Variants in PRPF6 observed in about 807,000 individuals in gnomAD.
The protein encoded by PRPF6 is pre-mRNA processing factor 6.
PRPF6 carries 42 observed loss-of-function variants against 118.3 expected under a neutral mutation model. The ratio of observed to expected loss-of-function variants is 0.35; its 90% CI spans 0.28 to 0.46. The LOEUF is 0.46. PRPF6 is among the 20% of genes least tolerant of loss of function. The pLI, the probability that PRPF6 is intolerant of heterozygous loss-of-function variation, is 1.00. For missense variants in PRPF6, 662 were observed against 1,255.7 expected (o/e 0.53, Z 7.15); for synonymous variants, 481 against 485.1 (o/e 0.99, Z 0.11).
At chr20:64,018,533 A>G (rs758157271) in intron 12 of PRPF6, among the ~76,000 whole-genome samples, 48 of 152,184 alleles carry the variant, frequency 3.2e-4, no homozygotes, top group Non-Finnish European at 5.7e-4. Context: ...GTTATTATTA[A>G]TAAGTATTTT....
intron 6 of PRPF6, 76 bp downstream of exon 6, chr20:63,995,558 C>T: frequency 1.3e-6 from 2 of 1,543,106 alleles, no homozygotes; most frequent in Non-Finnish European, 1.8e-6. Flanking sequence ...TTTTCTCCTT[C>T]TTCTTCTTCT....
At chr20:64,016,617 T>A in intron 11 of PRPF6, 106 bp from the exon 12 acceptor site, 1 of 1,452,344 alleles carries the variant, frequency 6.9e-7, no homozygotes, top group Non-Finnish European at 9.4e-7. Context: ...CAGCATCTTG[T>A]GCTGATGTCT....
chr20:64,010,620 C>T (rs1213363350), intron 10 of PRPF6, among the ~76,000 whole-genome samples: 1 of 152,166 alleles, frequency 6.6e-6, no homozygotes, highest in Non-Finnish European at 1.5e-5. Flanking sequence ...TCTCAGCAGC[C>T]CAGAGTTTGT....
chr20:64,025,000 C>T (rs779122594), intron 14 of PRPF6, among the ~76,000 whole-genome samples: 14 of 152,050 alleles, frequency 9.2e-5, no homozygotes, highest in Non-Finnish European at 5.9e-5. Flanking sequence ...GTATTCAGAC[C>T]GCCTCACTGA....
chr20:64,024,536 GTGGC>G lies in PRPF6; in HGVS notation c.1770-18_1770-15del. ...GTTTATGGCCCTGCCTCTGGTGACC[GTGGC>G]CTCTTATCTTGCAGGGAGTCCCTGG... On this transcript the variant is annotated splice_polypyrimidine_tract_variant and intron_variant, in intron 13 of 20. Coordinates refer to ENST00000266079, the MANE Select transcript of PRPF6 (RefSeq NM_012469.4). The G allele has an allele frequency of 6.2e-7, 1 of 1,613,114 alleles. No individual in the cohort carries two copies. Among genetic ancestry groups the G allele is most frequent in the South Asian group, 1.1e-5 (1 of 91,082 alleles).
At chr20:64,001,268 T>TCCCTCTTTGGGGC in intron 9 of PRPF6, 29 bp downstream of exon 9, 1 of 1,613,834 alleles carries the variant, frequency 6.2e-7, no homozygotes, top group Non-Finnish European at 8.5e-7. Context: ...TGCTGCTTTC[T>TCCCTCTTTGGGGC]CCCTCCTTGG....
chr20:64,016,654 G>C (rs1371621847), intron 11 of PRPF6, 69 bp from the exon 12 acceptor site: 1 of 1,593,600 alleles, frequency 6.3e-7, no homozygotes, highest in Non-Finnish European at 8.6e-7. Flanking sequence ...CAGGAACTCC[G>C]TACTCCCCGT....
chr20:64,010,107 C>T, intron 9 of PRPF6, 93 bp from the exon 10 acceptor site: 1 of 1,087,614 alleles, frequency 9.2e-7, no homozygotes, highest in South Asian at 1.2e-5. Context: ...CCAGGGAAGT[C>T]CGTCTCATCC....
intron 12 of PRPF6, among the ~76,000 whole-genome samples, chr20:64,017,172 G>T (rs1303180428): frequency 2.0e-5 from 3 of 152,228 alleles, no homozygotes; most frequent in African/African-American, 7.2e-5. Flanking sequence ...TTAATCTCCT[G>T]ACCTCGTGAT....
At chr20:64,015,792 C>T (rs1051111936) in intron 11 of PRPF6, among the ~76,000 whole-genome samples, 1 of 152,154 alleles carries the variant, frequency 6.6e-6, no homozygotes, top group African/African-American at 2.4e-5. Context: ...TCATCTGATA[C>T]GTGCACAATG....
intron 2 of PRPF6, 58 bp from the exon 3 acceptor site, chr20:63,984,849 C>G (rs1418349727): frequency 8.1e-6 from 10 of 1,231,402 alleles, no homozygotes; most frequent in Non-Finnish European, 1.2e-5. Context: ...CTCCGTTTCG[C>G]TGGTGGGGAT....
chr20:64,028,770 A>G lies in PRPF6; in HGVS notation c.2431+201A>G, dbSNP rs2059302653. The stretch of plus-strand genomic sequence containing the variant: ...CATTTCAGTCAAAAGTTTCAGCTAT[A>G]CTCGGCCGTTAAGACAACTTAATGA... On this transcript the variant is annotated intron_variant, in intron 18 of 20. Transcript: ENST00000266079. The surrounding 1 kb of genome is among the most constrained non-coding windows in gnomAD (Gnocchi z 6.5). Among the ~76,000 whole-genome samples the G allele has an allele frequency of 6.6e-6, 1 of 152,194 alleles. No individual in the cohort carries two copies. The highest frequency in any genetic ancestry group is 1.5e-5 in the Non-Finnish European group (1 of 68,038).
intron 3 of PRPF6, among the ~76,000 whole-genome samples, chr20:63,986,780 GC>G (rs1408653707): frequency 6.6e-6 from 1 of 151,788 alleles, no homozygotes; most frequent in East Asian, 2.0e-4. Flanking sequence ...GAGCCACTGC[GC>G]CCGGCCTAAT....
intron 12 of PRPF6, among the ~76,000 whole-genome samples, chr20:64,017,766 G>A (rs1025500247): frequency 2.0e-5 from 3 of 152,236 alleles, no homozygotes; most frequent in African/African-American, 7.2e-5. Context: ...TGAATGAGTT[G>A]CAGATGTGGT....
Position 64,022,651 on chromosome 20 carries a change from T to C in PRPF6, c.1648-106T>C. 2.6e-6 allele frequency: 4 copies of C among 1,527,578 alleles called. No individual in the cohort carries two copies. In the Admixed American group the frequency reaches 6.8e-5, roughly 26 times the overall value. The allele number at this position is 1,527,578 out of a possible 1,614,324, so 94.6% of individuals were successfully genotyped here. On this transcript the variant is annotated intron_variant, in intron 12 of 20. Coordinates refer to ENST00000266079, the MANE Select transcript of PRPF6 (RefSeq NM_012469.4). ...AGATAAAACACTGTGGTACACCTTCTAGCAGATATCATCTTTCAGAATCGT... is the reference window on the plus strand; with the variant it reads ...AGATAAAACACTGTGGTACACCTTCCAGCAGATATCATCTTTCAGAATCGT...
chr20:64,011,566 C>G lies in PRPF6; in HGVS notation c.1524+63C>G. Reference sequence around the variant, plus strand: ...AGTGCACATGCAGCACGTGAGAGTCCCACGCAGGACTGGGGGTTGCTGGAT... The same window carrying G: ...AGTGCACATGCAGCACGTGAGAGTCGCACGCAGGACTGGGGGTTGCTGGAT... On this transcript the variant is annotated intron_variant, in intron 11 of 20. Coordinates refer to ENST00000266079, the MANE Select transcript of PRPF6 (RefSeq NM_012469.4). This position sits in a 1 kb window ranked among gnomAD's most constrained non-coding sequence, Gnocchi z 6.7. The G allele has an allele frequency of 1.3e-6, 2 of 1,520,866 alleles. No homozygotes were observed. The highest frequency in any genetic ancestry group is 1.8e-6 in the Non-Finnish European group (2 of 1,121,614). The allele number at this position is 1,520,866 out of a possible 1,614,324, so 94.2% of individuals were successfully genotyped here. A position where few individuals can be genotyped will look rare whatever the true frequency, so the allele number is the denominator to read the frequency against.
chr20:63,983,828 T>C (rs1447506793), intron 2 of PRPF6, among the ~76,000 whole-genome samples: 1 of 152,046 alleles, frequency 6.6e-6, no homozygotes, highest in East Asian at 1.9e-4. Flanking sequence ...TAATTTTGTA[T>C]TTTTAGTAGA....
At chr20:64,017,414 C>T (rs1419862150) in intron 12 of PRPF6, among the ~76,000 whole-genome samples, 4 of 147,286 alleles carry the variant, frequency 2.7e-5, no homozygotes, top group East Asian at 2.1e-4. Context: ...CCGCCGCGCC[C>T]GGCCTCCCAG....
chr20:64,021,108 G>T (rs1270844521), intron 12 of PRPF6, among the ~76,000 whole-genome samples: 1 of 152,230 alleles, frequency 6.6e-6, no homozygotes, highest in African/African-American at 2.4e-5. Flanking sequence ...TTTTAAAAAA[G>T]AAACCAATAT....
Sources: gnomAD v4.1 joint callset for allele counts (sites outside exome capture counted in the v4.1 genomes callset) on GRCh38, gnomAD v4.1.1 for gene constraint, Gnocchi (gnomAD v3.1) non-coding constraint, MANE v1.5 for transcripts, NCBI Gene and HGNC (gene_info 2026-07-23, HGNC 2026-07-21) for gene names.